The following PPP1R9A variants were observed in gnomAD, a reference collection of about 807,000 sequenced individuals.
PPP1R9A encodes protein phosphatase 1 regulatory subunit 9A, also known as neurabin-1.
PPP1R9A carries 59 observed loss-of-function variants against 141.9 expected under a neutral mutation model. The ratio of observed to expected loss-of-function variants is 0.42; its 90% CI spans 0.34 to 0.52. The LOEUF (loss-of-function observed/expected upper bound fraction) is 0.52. Ranked by LOEUF, PPP1R9A falls within the 20% of genes least tolerant of loss-of-function variation. The probability of loss-of-function intolerance (pLI) is 0.10; values close to 1 mark genes in which losing one functional copy is unlikely to be tolerated. For missense variants in PPP1R9A, 1,444 were observed against 1,611.9 expected (o/e 0.90, Z 1.78); for synonymous variants, 500 against 569.7 (o/e 0.88, Z 1.74).
chr7:95,120,202 C>G (rs532006961), intron 3 of PPP1R9A, among the ~76,000 whole-genome samples: 134 of 152,246 alleles, frequency 8.8e-4, no homozygotes, highest in Middle Eastern at 6.8e-3. Context: ...AGCCATCCAC[C>G]TGCCTCAGCC....
chr7:94,954,113 CTTT>C (rs767109424), intron 2 of PPP1R9A, among the ~76,000 whole-genome samples: 16 of 151,670 alleles, frequency 1.1e-4, no homozygotes, highest in Non-Finnish European at 2.1e-4. Flanking sequence ...TTCTATTTTA[CTTT>C]TTTTGTTGTT....
chr7:95,212,692 C>T (rs1792388740), intron 7 of PPP1R9A, among the ~76,000 whole-genome samples: 1 of 152,150 alleles, frequency 6.6e-6, no homozygotes, highest in Non-Finnish European at 1.5e-5. Flanking sequence ...ATTGCTCTAA[C>T]CCCTAGACTT....
chr7:95,215,744 A>AG lies in PPP1R9A; in HGVS notation c.1957-10217_1957-10216insG, dbSNP rs1293403112. ...CCAGTGATGATGAGCATTTTTTCAT[A>AG]TGTCTGTTGGCTGCATAAATGTCTA... On this transcript the variant is annotated intron_variant, in intron 7 of 19. Transcript: ENST00000433360. 5.3e-5 allele frequency among the ~76,000 whole-genome samples: 8 copies of AG among 152,082 alleles called. No homozygotes were observed. The East Asian group carries it at 1.6e-3, about 29-fold the overall frequency.
intron 2 of PPP1R9A, among the ~76,000 whole-genome samples, chr7:94,945,630 G>A (rs1368405942): frequency 1.3e-5 from 2 of 151,956 alleles, no homozygotes; most frequent in East Asian, 1.9e-4. Flanking sequence ...AGTTGAAATA[G>A]GCTAAATATT....
intron 2 of PPP1R9A, among the ~76,000 whole-genome samples, chr7:94,986,335 C>A (rs1444401410): frequency 1.3e-5 from 2 of 152,082 alleles, no homozygotes; most frequent in Non-Finnish European, 2.9e-5. Context: ...TAGATTCATG[C>A]TTCTCTGCAA....
intron 13 of PPP1R9A, 48 bp from the exon 14 acceptor site, chr7:95,269,159 A>C (rs936961953): frequency 6.8e-7 from 1 of 1,466,404 alleles, no homozygotes; most frequent in Admixed American, 2.0e-5. Context: ...ATTGCATAGA[A>C]CTGATACTCA....
chr7:95,039,119 A>G (rs2151888132), intron 2 of PPP1R9A, among the ~76,000 whole-genome samples: 1 of 152,326 alleles, frequency 6.6e-6, no homozygotes. Context: ...AGACAAAGCC[A>G]TCATCAGAGC....
chr7:95,025,539 G>A (rs1027390195), intron 2 of PPP1R9A, among the ~76,000 whole-genome samples: 3 of 151,996 alleles, frequency 2.0e-5, no homozygotes, highest in African/African-American at 7.2e-5. Context: ...TGAATCTGAC[G>A]ATTATGTGTC....
intron 2 of PPP1R9A, among the ~76,000 whole-genome samples, chr7:94,912,518 G>C (rs1791580705): frequency 6.6e-6 from 1 of 152,108 alleles, no homozygotes; most frequent in Admixed American, 6.5e-5. Context: ...GTGTATATAT[G>C]ATAGACTTGG....
rs559167613 is a variant in PPP1R9A, at chr7:95,060,466, A to T, written c.1396-50793A>T. On this transcript the variant is annotated intron_variant, in intron 2 of 19. Coordinates refer to ENST00000433360, the MANE Select transcript of PPP1R9A (RefSeq NM_001166160.2). ...GTAAAAGAAAGGTGAAGTGACCATGACCCATCACCCAGGCTGTGCCTCCTT... is the reference window on the plus strand; with the variant it reads ...GTAAAAGAAAGGTGAAGTGACCATGTCCCATCACCCAGGCTGTGCCTCCTT... Among the ~76,000 whole-genome samples the T allele has an allele frequency of 2.0e-5, 3 of 152,272 alleles. No homozygotes were observed. In the South Asian group the frequency reaches 6.2e-4, roughly 32 times the overall value.
At chr7:95,276,608 G>A (rs1401783026) in intron 16 of PPP1R9A, among the ~76,000 whole-genome samples, 2 of 152,202 alleles carry the variant, frequency 1.3e-5, no homozygotes, top group African/African-American at 2.4e-5. Context: ...TCCTAAGTGT[G>A]ATGATTGGGT....
chr7:95,245,226 A>T (rs1388010593), intron 8 of PPP1R9A, among the ~76,000 whole-genome samples: 1 of 152,126 alleles, frequency 6.6e-6, no homozygotes, highest in Admixed American at 6.5e-5. Flanking sequence ...TTTTTACGTT[A>T]TTAGTTTATA....
chr7:95,192,493 C>T (rs927866712), intron 5 of PPP1R9A, among the ~76,000 whole-genome samples: 6 of 152,064 alleles, frequency 3.9e-5, no homozygotes, highest in Admixed American at 3.9e-4. Context: ...TCAGAACAGT[C>T]TATAGGAGGT....
At chr7:95,004,036 G>A (rs1803287331) in intron 2 of PPP1R9A, among the ~76,000 whole-genome samples, 2 of 152,084 alleles carry the variant, frequency 1.3e-5, no homozygotes, top group Non-Finnish European at 2.9e-5. Flanking sequence ...GGATGTTACA[G>A]TGTGGTGGCA....
chr7:94,996,602 T>G (rs1361516120), intron 2 of PPP1R9A, among the ~76,000 whole-genome samples: 1 of 152,136 alleles, frequency 6.6e-6, no homozygotes. Flanking sequence ...TGGCCACTGT[T>G]TCCTCAAATT....
At chr7:94,987,168 A>G (rs1800956848) in intron 2 of PPP1R9A, among the ~76,000 whole-genome samples, 1 of 152,218 alleles carries the variant, frequency 6.6e-6, no homozygotes, top group Admixed American at 6.5e-5. Flanking sequence ...AAAGTAGGGA[A>G]TATTTGTCGT....
chr7:95,006,796 G>A (rs1006753652), intron 2 of PPP1R9A, among the ~76,000 whole-genome samples: 1 of 151,966 alleles, frequency 6.6e-6, no homozygotes, highest in Non-Finnish European at 1.5e-5. Context: ...AGCCTGTTGA[G>A]CAATTCAGTT....
At chr7:95,061,651 G>A (rs957924400) in intron 2 of PPP1R9A, among the ~76,000 whole-genome samples, 3 of 152,104 alleles carry the variant, frequency 2.0e-5, no homozygotes, top group Non-Finnish European at 4.4e-5. Context: ...TGGGAGGATT[G>A]CTTGAGCCCA....
At chr7:95,181,377 TAG>T (rs1292051578) in intron 5 of PPP1R9A, among the ~76,000 whole-genome samples, 23 of 138,040 alleles carry the variant, frequency 1.7e-4, no homozygotes, top group African/African-American at 5.3e-4. Context: ...ATGGAATATA[TAG>T]AGAGAATAGA....
Sources: allele counts gnomAD v4.1 joint callset (sites outside exome capture counted in the v4.1 genomes callset), GRCh38; gene constraint gnomAD v4.1.1; transcripts MANE v1.5; gene names NCBI Gene and HGNC (gene_info 2026-07-23, HGNC 2026-07-21).